The following STK31 variants were observed in gnomAD, a reference collection of about 807,000 sequenced individuals.
STK31 encodes the protein serine/threonine-protein kinase 31.
A neutral mutation model predicts 129.7 loss-of-function variants in STK31; 89 were observed. The observed-to-expected ratio is 0.69, with a 90% CI of 0.58 to 0.82. The LOEUF (loss-of-function observed/expected upper bound fraction) is 0.82. STK31 is among the 40% of genes least tolerant of loss of function. The pLI, the probability that STK31 is intolerant of heterozygous loss-of-function variation, is 0.00. For synonymous variants in STK31, 448 were observed against 395.3 expected (o/e 1.13, Z -1.58); for missense variants, 1,187 against 1,176.4 (o/e 1.01, Z -0.13).
At chr7:23,777,250 G>T (rs1000845112) in intron 15 of STK31, among the ~76,000 whole-genome samples, 4 of 152,244 alleles carry the variant, frequency 2.6e-5, no homozygotes, top group Admixed American at 1.3e-4. Context: ...CAACTGTGTG[G>T]TCAGTTTTAG....
intron 8 of STK31, among the ~76,000 whole-genome samples, chr7:23,747,606 G>T (rs1355868234): frequency 2.0e-5 from 3 of 151,872 alleles, no homozygotes; most frequent in Non-Finnish European, 4.4e-5. Flanking sequence ...CTGACCTCGT[G>T]ATCCACCCGC....
chr7:23,751,378 A>G (rs141959891), intron 8 of STK31, among the ~76,000 whole-genome samples: 79 of 152,252 alleles, frequency 5.2e-4, no homozygotes, highest in African/African-American at 1.7e-3. Flanking sequence ...TTCCTGCAAT[A>G]TATTTTGTTA....
At chr7:23,798,290 A>G (rs568049031) in intron 22 of STK31, among the ~76,000 whole-genome samples, 4 of 152,182 alleles carry the variant, frequency 2.6e-5, no homozygotes, top group African/African-American at 9.7e-5. Flanking sequence ...TGCCAGAGAC[A>G]CAACAAAAAA....
chr7:23,723,892 G>A (rs952728285), intron 4 of STK31, among the ~76,000 whole-genome samples: 2 of 152,142 alleles, frequency 1.3e-5, no homozygotes, highest in Non-Finnish European at 2.9e-5. Context: ...ACTCTGAGAC[G>A]AATTAAGAGT....
intron 23 of STK31, 70 bp from the exon 24 acceptor site, chr7:23,832,066 T>A: frequency 9.0e-7 from 1 of 1,112,686 alleles, no homozygotes; most frequent in Non-Finnish European, 1.3e-6. Flanking sequence ...AAAAAATAAG[T>A]CCACTTCCTT....
intron 16 of STK31, 141 bp downstream of exon 16, chr7:23,781,661 T>G: frequency 1.9e-6 from 1 of 525,850 alleles, no homozygotes; most frequent in Non-Finnish European, 3.3e-6. Context: ...CCTGGTAAGA[T>G]TTTTGTAAAT....
At chr7:23,765,360 T>G (rs1287737695) in intron 11 of STK31, among the ~76,000 whole-genome samples, 1 of 152,118 alleles carries the variant, frequency 6.6e-6, no homozygotes, top group Non-Finnish European at 1.5e-5. Context: ...GCTTCTCCCT[T>G]TATTTTTAAC....
chr7:23,767,213 GT>G (rs751183393), intron 11 of STK31, among the ~76,000 whole-genome samples: 5 of 152,084 alleles, frequency 3.3e-5, no homozygotes, highest in Non-Finnish European at 7.4e-5. Context: ...AAGTGGCTTA[GT>G]TTTTTATACT....
At chr7:23,785,653 A>G (rs750591450) in intron 18 of STK31, 50 bp downstream of exon 18, 15 of 1,560,336 alleles carry the variant, frequency 9.6e-6, no homozygotes, top group Non-Finnish European at 1.0e-5. Flanking sequence ...CATAAAGGAT[A>G]GTGGTGCTGT....
At chr7:23,772,429 T>A in intron 15 of STK31, 151 bp downstream of exon 15, 1 of 771,854 alleles carries the variant, frequency 1.3e-6, no homozygotes, top group Non-Finnish European at 1.9e-6. Flanking sequence ...GTTTTCTGTG[T>A]ATATAAATAA....
chr7:23,754,831 G>A (rs1228975956), intron 10 of STK31, among the ~76,000 whole-genome samples: 2 of 152,098 alleles, frequency 1.3e-5, no homozygotes, highest in African/African-American at 4.8e-5. Context: ...ACATAAACTC[G>A]TTCCTTTTTA....
intron 15 of STK31, among the ~76,000 whole-genome samples, chr7:23,773,283 A>T (rs966467830): frequency 5.3e-5 from 8 of 152,096 alleles, no homozygotes; most frequent in Non-Finnish European, 1.0e-4. Flanking sequence ...ATGAGTGAGA[A>T]CATGCGGTGT....
chr7:23,816,530 T>C (rs915610115), intron 23 of STK31, among the ~76,000 whole-genome samples: 1 of 152,218 alleles, frequency 6.6e-6, no homozygotes. Context: ...TAAAGCTCGA[T>C]TGGAGATGAA....
rs1327997976 is a variant in STK31, at chr7:23,710,247, G to A, written c.-39G>A. On this transcript the variant is annotated 5_prime_UTR_variant, in exon 1 of 24. Coordinates refer to ENST00000355870, the MANE Select transcript of STK31 (RefSeq NM_031414.5). ...GTCGAAGCTCACGCGGTAAGCCGCT[G>A]CACGTGTGCTACGGCGGGCGGAGGG... 6.2e-7 allele frequency: 1 copy of A among 1,612,346 alleles called. No individual in the cohort carries two copies. The highest frequency in any genetic ancestry group is 1.1e-5 in the South Asian group (1 of 90,692).
At chr7:23,718,416 G>A (rs530390109) in intron 4 of STK31, among the ~76,000 whole-genome samples, 4 of 152,196 alleles carry the variant, frequency 2.6e-5, no homozygotes, top group Admixed American at 2.6e-4. Flanking sequence ...GTTTTTACGT[G>A]TGTATGTATC....
At chr7:23,768,827 A>G (rs549049833) in intron 11 of STK31, among the ~76,000 whole-genome samples, 168 bp from the exon 12 acceptor site, 4 of 152,294 alleles carry the variant, frequency 2.6e-5, no homozygotes, top group South Asian at 2.1e-4. Flanking sequence ...ACCACCTTCT[A>G]GGTAGTTTTG....
chr7:23,749,799 A>T (rs879525284), intron 8 of STK31, among the ~76,000 whole-genome samples: 5 of 152,020 alleles, frequency 3.3e-5, no homozygotes, highest in African/African-American at 1.2e-4. Context: ...TTGTGAGTCT[A>T]TGTCTCTGGC....
intron 5 of STK31, among the ~76,000 whole-genome samples, chr7:23,728,046 A>C (rs535782850): frequency 7.1e-6 from 1 of 141,776 alleles, no homozygotes; most frequent in African/African-American, 2.7e-5. Context: ...CCTGGGTTAA[A>C]TGTGGTGAGT....
intron 22 of STK31, among the ~76,000 whole-genome samples, chr7:23,814,251 C>G (rs1202346675): frequency 6.9e-6 from 1 of 145,144 alleles, no homozygotes; most frequent in Non-Finnish European, 1.5e-5. Context: ...TTTTTTAAAC[C>G]TTTCAGTGTT....
Sources: gnomAD v4.1 joint callset for allele counts (sites outside exome capture counted in the v4.1 genomes callset) on GRCh38, gnomAD v4.1.1 for gene constraint, MANE v1.5 for transcripts, NCBI Gene and HGNC (gene_info 2026-07-23, HGNC 2026-07-21) for gene names.